PRKG1: variants seen among roughly 807,000 people sequenced by gnomAD.
The protein encoded by PRKG1 is protein kinase cGMP-dependent 1.
PRKG1 carries 35 observed loss-of-function variants against 88.1 expected under a neutral mutation model. The observed-to-expected ratio is 0.40, with a 90% CI of 0.30 to 0.53. The LOEUF (loss-of-function observed/expected upper bound fraction) is 0.53. Among genes scored for constraint, PRKG1 ranks in the 20% least tolerant of loss-of-function variants. PRKG1 has a pLI of 0.59. For synonymous variants in PRKG1, 303 were observed against 292.5 expected (o/e 1.04, Z -0.37); for missense variants, 540 against 839.8 (o/e 0.64, Z 4.41).
intron 2 of PRKG1, among the ~76,000 whole-genome samples, chr10:51,280,191 A>AT (rs1840253309): frequency 6.6e-6 from 1 of 152,178 alleles, no homozygotes; most frequent in African/African-American, 2.4e-5. Context: ...AATGTTGAAT[A>AT]TTGGCCCCCA....
intron 4 of PRKG1, among the ~76,000 whole-genome samples, chr10:51,840,562 T>C (rs542526870): frequency 1.3e-4 from 19 of 141,978 alleles, no homozygotes; most frequent in Non-Finnish European, 1.5e-4. Context: ...TATTTATTTA[T>C]TGAGACAAAG....
chr10:51,261,178 T>G (rs937868027), intron 2 of PRKG1, among the ~76,000 whole-genome samples: 1 of 152,202 alleles, frequency 6.6e-6, no homozygotes, highest in Non-Finnish European at 1.5e-5. Flanking sequence ...TTCTTCCCGA[T>G]CCAAAGTTTT....
At chr10:52,059,872 T>C (rs1846196261) in intron 6 of PRKG1, among the ~76,000 whole-genome samples, 1 of 151,940 alleles carries the variant, frequency 6.6e-6, no homozygotes, top group South Asian at 2.1e-4. Context: ...AAATACCATT[T>C]CAAAAATCAA....
At chr10:52,123,846 A>T (rs1166275420) in intron 7 of PRKG1, among the ~76,000 whole-genome samples, 4 of 152,172 alleles carry the variant, frequency 2.6e-5, no homozygotes, top group Non-Finnish European at 5.9e-5. Context: ...TCTTAAAAAA[A>T]AAATAAATCC....
intron 3 of PRKG1, among the ~76,000 whole-genome samples, chr10:51,672,983 G>T (rs1206674793): frequency 3.3e-5 from 5 of 152,130 alleles, no homozygotes; most frequent in Admixed American, 6.5e-5. Flanking sequence ...AGCTAGCAGA[G>T]ACCCAAGGTT....
chr10:51,462,043 A>G (rs1459050042), intron 2 of PRKG1, among the ~76,000 whole-genome samples: 2 of 152,218 alleles, frequency 1.3e-5, no homozygotes, highest in East Asian at 1.9e-4. Context: ...CTACCAGAAT[A>G]TTGAAAGTTC....
At chr10:52,190,742 CT>C (rs1839339015) in intron 9 of PRKG1, among the ~76,000 whole-genome samples, 1 of 151,970 alleles carries the variant, frequency 6.6e-6, no homozygotes, top group African/African-American at 2.4e-5. Flanking sequence ...TTTTGTAAAC[CT>C]TGTTATTATG....
chr10:51,250,649 G>A lies in PRKG1; in HGVS notation c.478+97319G>A, dbSNP rs189373968. ...TTTGTGCCTTTTTCAGCTTAGAAAA[G>A]CACTTGCCTTTCTATCTCTGACAAG... On this transcript the variant is annotated intron_variant, in intron 2 of 17. Transcript: ENST00000373980. Among the ~76,000 whole-genome samples, 7 of 151,884 alleles carry A rather than the reference G, an allele frequency of 4.6e-5. No homozygotes were observed. In the East Asian group the frequency reaches 1.4e-3, roughly 29 times the overall value.
chr10:51,036,499 T>C (rs556263104), intron 1 of PRKG1, among the ~76,000 whole-genome samples: 1 of 152,158 alleles, frequency 6.6e-6, no homozygotes, highest in South Asian at 2.1e-4. Flanking sequence ...AGGAGTGATC[T>C]GAGACTGGGA....
intron 5 of PRKG1, among the ~76,000 whole-genome samples, chr10:51,945,653 G>A (rs1292764752): frequency 4.0e-5 from 6 of 151,018 alleles, no homozygotes; most frequent in Admixed American, 4.0e-4. Context: ...CAGGCCTGGT[G>A]GTGACAAAAT....
intron 3 of PRKG1, among the ~76,000 whole-genome samples, chr10:51,702,177 G>T (rs1043143991): frequency 6.6e-6 from 1 of 152,188 alleles, no homozygotes; most frequent in Non-Finnish European, 1.5e-5. Flanking sequence ...AGTAGCTGAA[G>T]GACTATGGGA....
intron 1 of PRKG1, among the ~76,000 whole-genome samples, chr10:51,003,117 CA>C (rs1319747055): frequency 6.6e-6 from 1 of 151,988 alleles, no homozygotes; most frequent in Non-Finnish European, 1.5e-5. Context: ...CAGAGAGAAC[CA>C]AGGGTAGATT....
At chr10:51,268,156 G>A (rs1446110857) in intron 2 of PRKG1, among the ~76,000 whole-genome samples, 4 of 152,066 alleles carry the variant, frequency 2.6e-5, no homozygotes, top group African/African-American at 7.2e-5. Flanking sequence ...GGGAGTGTAC[G>A]AATAGAGTGT....
chr10:51,200,301 A>G (rs940105523), intron 2 of PRKG1, among the ~76,000 whole-genome samples: 4 of 152,230 alleles, frequency 2.6e-5, no homozygotes, highest in African/African-American at 7.2e-5. Context: ...ACTAGTGTGT[A>G]TCTTTTCTAC....
In PRKG1 at chr10:51,888,930, T is replaced by C. The variant is rs61847433; in HGVS notation, c.699-18577T>C. ...GAGAGGTAAATTAACTTATTTAATG[T>C]CACATAGTTACAAAGTAACGTGACT... On this transcript the variant is annotated intron_variant, in intron 4 of 17. Coordinates refer to ENST00000373980, the MANE Select transcript of PRKG1 (RefSeq NM_006258.4). Among the ~76,000 whole-genome samples the C allele has an allele frequency of 6.7e-3, 1,018 of 152,302 alleles. 2 individuals carry two copies. Among genetic ancestry groups the C allele is most frequent in the Non-Finnish European group, 0.01 (711 of 68,024 alleles).
chr10:52,162,158 A>T (rs976442678), intron 9 of PRKG1, among the ~76,000 whole-genome samples, 195 bp downstream of exon 9: 2 of 152,138 alleles, frequency 1.3e-5, no homozygotes, highest in Admixed American at 6.6e-5. Flanking sequence ...TTCAAACACA[A>T]AACTTCAATT....
In PRKG1 at chr10:52,024,316, A is replaced by ATT. The variant is rs201621834; in HGVS notation, c.763-30168_763-30167insTT. Among the ~76,000 whole-genome samples the ATT allele has an allele frequency of 2.6e-4, 34 of 131,572 alleles. No homozygotes were observed. In the East Asian group the frequency reaches 2.9e-3, roughly 11 times the overall value. The allele number at this position is 131,572 out of a possible 152,430, so 86.3% of individuals were successfully genotyped here. A position where few individuals can be genotyped will look rare whatever the true frequency, so the allele number is the denominator to read the frequency against. ...ATTTATTCATTTATTTATTTATTTA[A>ATT]CTTTTTTTTTTATTCTTTTTTTTAT... is the stretch of plus-strand genomic sequence containing the variant. On this transcript the variant is annotated intron_variant, in intron 5 of 17. Transcript: ENST00000373980.
At chr10:51,659,165 A>G (rs1840234255) in intron 3 of PRKG1, among the ~76,000 whole-genome samples, 1 of 152,144 alleles carries the variant, frequency 6.6e-6, no homozygotes, top group African/African-American at 2.4e-5. Flanking sequence ...ATATAATTCA[A>G]GTATTCTTAG....
intron 3 of PRKG1, among the ~76,000 whole-genome samples, chr10:51,567,015 C>T (rs7909702): frequency 0.21 from 32,011 of 151,630 alleles, 4,797 homozygotes; most frequent in African/African-American, 0.43. Context: ...ATTGTGATTA[C>T]TTCACAATGT....
Sources: allele counts gnomAD v4.1 joint callset (sites outside exome capture counted in the v4.1 genomes callset), GRCh38; gene constraint gnomAD v4.1.1; transcripts MANE v1.5; gene names NCBI Gene and HGNC (gene_info 2026-07-23, HGNC 2026-07-21).